Variants in ATG4B observed in about 807,000 individuals in gnomAD.
The protein encoded by ATG4B is autophagy related 4B cysteine peptidase.
A neutral mutation model predicts 56.6 loss-of-function variants in ATG4B; 29 were observed. The ratio of observed to expected loss-of-function variants is 0.51; its 90% CI spans 0.38 to 0.70. The LOEUF (loss-of-function observed/expected upper bound fraction) is 0.70, where lower values mean the gene tolerates loss of function less well. Among genes scored for constraint, ATG4B ranks in the 30% least tolerant of loss-of-function variants. The pLI is 0.00. For synonymous variants in ATG4B, 224 were observed against 206.1 expected, an observed-to-expected ratio of 1.09 and a Z score of -0.74; for missense variants, 461 against 515.5, an observed-to-expected ratio of 0.89 and a Z score of 1.02.
At chr2:241,667,140 C>T (rs2068804309) in intron 8 of ATG4B, among the ~76,000 whole-genome samples, 1 of 152,200 alleles carries the variant, frequency 6.6e-6, no homozygotes, top group Admixed American at 6.5e-5. Context: ...GCCCCGCCCC[C>T]TCCCGGGTCT....
At position 241,666,449 on chromosome 2, in the gene ATG4B, T is replaced by A. The variant is rs1025406295; in HGVS notation, c.539-196T>A. ...TTGAATTAAGTATGCATAGAAACTA[T>A]TTCTTTTTTCTCTGGGTGGCAAGAT... On this transcript the variant is annotated intron_variant, in intron 7 of 12. Transcript: ENST00000404914. 35 of 622,088 alleles carry A rather than the reference T, an allele frequency of 5.6e-5. No individual in the cohort carries two copies. The African/African-American group carries it at 6.1e-4, about 11-fold the overall frequency. The allele number at this position is 622,088 out of a possible 1,614,324, so 38.5% of individuals were successfully genotyped here.
chr2:241,654,684 C>T (rs2125127718), intron 5 of ATG4B, 37 bp downstream of exon 5: 3 of 1,531,180 alleles, frequency 2.0e-6, no homozygotes, highest in Non-Finnish European at 1.8e-6. Context: ...CCCACCCGGG[C>T]TGTCTGGAGA....
At chr2:241,653,846 G>A (rs1315964612) in intron 4 of ATG4B, among the ~76,000 whole-genome samples, 1 of 152,096 alleles carries the variant, frequency 6.6e-6, no homozygotes, top group African/African-American at 2.4e-5. Context: ...ACAAAAATTA[G>A]CCAGGCGTGG....
intron 1 of ATG4B, among the ~76,000 whole-genome samples, chr2:241,644,806 A>G (rs905303140): frequency 3.3e-5 from 5 of 152,020 alleles, no homozygotes; most frequent in African/African-American, 4.8e-5. Flanking sequence ...AAAATTAGCC[A>G]GGCGTGGTGG....
At chr2:241,649,602 C>T (rs988584357) in intron 1 of ATG4B, among the ~76,000 whole-genome samples, 4 of 152,148 alleles carry the variant, frequency 2.6e-5, no homozygotes, top group Non-Finnish European at 4.4e-5. Context: ...CTGGTGCCGC[C>T]CCAGAATACG....
At chr2:241,648,122 A>T (rs1170048525) in intron 1 of ATG4B, among the ~76,000 whole-genome samples, 2 of 152,022 alleles carry the variant, frequency 1.3e-5, no homozygotes, top group Middle Eastern at 3.2e-3. Flanking sequence ...ACAAAAGAAT[A>T]AAAAAAAGGC....
Position 241,672,198 on chromosome 2 carries a change from T to G in ATG4B, c.1116T>G (p.Ser372=). ...PDVLNLSLDS[S]DVERLERFFD... ...ATGTCCTGTTCCTTCTAGATTCTTC[T>G]GATGTAGAGCGACTGGAAAGATTCT... The change falls in exon 13 of 13, where the codon TCT becomes TCG. Residue 372 remains serine (S), a synonymous_variant. Coordinates refer to ENST00000404914, the MANE Select transcript of ATG4B (RefSeq NM_013325.5). The G allele has an allele frequency of 6.3e-7, 1 of 1,580,436 alleles. No individual in the cohort carries two copies. The highest frequency in any genetic ancestry group is 1.3e-5 in the African/African-American group (1 of 74,382).
chr2:241,658,955 TG>T (rs1199650678), intron 6 of ATG4B, among the ~76,000 whole-genome samples, 152 bp from the exon 7 acceptor site: 6 of 152,358 alleles, frequency 3.9e-5, no homozygotes, highest in Non-Finnish European at 8.8e-5. Context: ...TTCCTGTCTG[TG>T]GCATTGGCTG....
At chr2:241,656,749 G>A (rs1034788447) in intron 6 of ATG4B, among the ~76,000 whole-genome samples, 8 of 151,818 alleles carry the variant, frequency 5.3e-5, no homozygotes, top group Non-Finnish European at 1.2e-4. Context: ...GCCAGAGCCC[G>A]TGCTGGCCCC....
At position 241,673,072 on chromosome 2, in the gene ATG4B, C is replaced by T. The variant is rs3209928; in HGVS notation, c.*808C>T. Reference sequence around the variant, plus strand: ...GGGGCGGGGCCTCCACCTGTGACAGCCAGGCTTGAGGGTGGACGGCGTGCC... The same window carrying T: ...GGGGCGGGGCCTCCACCTGTGACAGTCAGGCTTGAGGGTGGACGGCGTGCC... On this transcript the variant is annotated 3_prime_UTR_variant, in exon 13 of 13. Coordinates refer to ENST00000404914, the MANE Select transcript of ATG4B (RefSeq NM_013325.5). 0.58 allele frequency: 93,930 copies of T among 162,630 alleles called. 28,041 individuals carry two copies. Among genetic ancestry groups the T allele is most frequent in the Middle Eastern group, 0.71 (219 of 310 alleles). The allele number at this position is 162,630 out of a possible 1,614,324, so 10.1% of individuals were successfully genotyped here.
At chr2:241,667,096 T>C (rs6757704) in intron 8 of ATG4B, among the ~76,000 whole-genome samples, 88,018 of 151,946 alleles carry the variant, frequency 0.58, 26,225 homozygotes, top group Middle Eastern at 0.7. Context: ...AGGGGGTCCT[T>C]GGAACCAGGT....
At chr2:241,658,528 G>A (rs919914469) in intron 6 of ATG4B, among the ~76,000 whole-genome samples, 2 of 152,152 alleles carry the variant, frequency 1.3e-5, no homozygotes, top group African/African-American at 2.4e-5. Flanking sequence ...CCCCACCTCC[G>A]CCAGACCTGA....
chr2:241,639,524 T>C (rs1365163875), intron 1 of ATG4B, among the ~76,000 whole-genome samples: 1 of 152,222 alleles, frequency 6.6e-6, no homozygotes, highest in African/African-American at 2.4e-5. Context: ...CTTGCATTCA[T>C]TGGGTCCCTA....
intron 1 of ATG4B, among the ~76,000 whole-genome samples, chr2:241,641,785 G>T (rs2067898029): frequency 6.6e-6 from 1 of 152,196 alleles, no homozygotes; most frequent in Non-Finnish European, 1.5e-5. Flanking sequence ...GGGTGTGAAT[G>T]TGGGTGGGAA....
In ATG4B at chr2:241,668,208, C is replaced by T. The variant is rs1559271700; in HGVS notation, c.798C>T (p.Phe266=). 6.2e-7 allele frequency: 1 copy of T among 1,604,908 alleles called. No homozygotes were observed. Among genetic ancestry groups the T allele is most frequent in the South Asian group, 1.1e-5 (1 of 88,782 alleles). ...IGGKPNSAHY[F]IGYVGEELIY... is the part of the protein sequence containing the mutation. ...GGAAGCCCAACAGCGCCCACTACTT[C>T]ATCGGCTACGTTGGTGAGTCCAGGG... The change falls in exon 9 of 13, where the codon TTC becomes TTT. Residue 266 remains phenylalanine (F), a synonymous_variant. Coordinates refer to ENST00000404914, the MANE Select transcript of ATG4B (RefSeq NM_013325.5). The surrounding 1 kb of genome is among the most constrained non-coding windows in gnomAD (Gnocchi z 4.2).
In ATG4B at chr2:241,668,363, C is replaced by A. The variant is rs148199131; in HGVS notation, c.811+142C>A. 4,175 of 1,360,610 alleles carry A rather than the reference C, an allele frequency of 3.1e-3. 40 individuals are homozygous for A. Among genetic ancestry groups the A allele is most frequent in the Middle Eastern group, 0.019 (105 of 5,590 alleles). The allele number at this position is 1,360,610 out of a possible 1,614,324, so 84.3% of individuals were successfully genotyped here. A position where few individuals can be genotyped will look rare whatever the true frequency, so the allele number is the denominator to read the frequency against. On this transcript the variant is annotated intron_variant, in intron 9 of 12. Transcript: ENST00000404914. This position sits in a 1 kb window ranked among gnomAD's most constrained non-coding sequence, Gnocchi z 4.2. ...CTGGGGTTCATTTTCAGCCTGGTCG[C>A]GGGCGGCCTCCTGTGTGCCCCTTTC...
intron 1 of ATG4B, among the ~76,000 whole-genome samples, chr2:241,643,678 G>GTGTGTGTGTGTGTA (rs1409852740): frequency 7.5e-6 from 1 of 134,066 alleles, no homozygotes; most frequent in Admixed American, 7.6e-5. Context: ...GTGTGTGTGT[G>GTGTGTGTGTGTGTA]TGTATGTATA....
At chr2:241,659,603 T>C (rs2068528750) in intron 7 of ATG4B, 1 of 334,136 alleles carries the variant, frequency 3.0e-6, no homozygotes, top group Non-Finnish European at 5.9e-6. Context: ...CAGAGCTCTT[T>C]TCAGCTTTCT....
chr2:241,641,407 G>A (rs1431758676), intron 1 of ATG4B, among the ~76,000 whole-genome samples: 7 of 152,264 alleles, frequency 4.6e-5, no homozygotes, highest in Non-Finnish European at 1.0e-4. Flanking sequence ...AAAATTAGCC[G>A]GGCATAGTGG....
Sources: allele counts gnomAD v4.1 joint callset (sites outside exome capture counted in the v4.1 genomes callset), GRCh38; gene constraint gnomAD v4.1.1; non-coding constraint Gnocchi (gnomAD v3.1); transcripts MANE v1.5; gene names NCBI Gene and HGNC (gene_info 2026-07-23, HGNC 2026-07-21).